Variants in ANXA13 observed in about 807,000 individuals in gnomAD.
ANXA13 encodes annexin XIII.
Under a neutral mutation model 46.6 loss-of-function variants are expected in ANXA13, and 36 were observed. That is an observed-to-expected ratio of 0.77 (90% CI 0.59 to 1.02). The LOEUF (loss-of-function observed/expected upper bound fraction) is 1.02. Ranked by LOEUF, ANXA13 falls within the 50% of genes least tolerant of loss-of-function variation. The probability of loss-of-function intolerance (pLI) is 0.00; values close to 1 mark genes in which losing one functional copy is unlikely to be tolerated. For missense variants in ANXA13, 417 were observed against 396.5 expected (o/e 1.05, Z -0.44); for synonymous variants, 163 against 152.9 (o/e 1.07, Z -0.49).
chr8:123,684,727 G>C lies in ANXA13; in HGVS notation c.719-5C>G. ...CACAATCCTGGGCACATCTCACTGGGCAGGACAAAGGAAAAGAGAATGTGA... is the reference window on the plus strand; with the variant it reads ...CACAATCCTGGGCACATCTCACTGGCCAGGACAAAGGAAAAGAGAATGTGA... On this transcript the variant is annotated splice_region_variant and splice_polypyrimidine_tract_variant and intron_variant, in intron 9 of 10. Coordinates refer to ENST00000419625, the MANE Select transcript of ANXA13 (RefSeq NM_004306.4). 1 of 1,596,874 alleles carries C rather than the reference G, an allele frequency of 6.3e-7. No individual in the cohort carries two copies. The highest frequency in any genetic ancestry group is 8.6e-7 in the Non-Finnish European group (1 of 1,164,290).
chr8:123,703,871 G>C (rs1412528520), intron 2 of ANXA13, among the ~76,000 whole-genome samples: 1 of 152,118 alleles, frequency 6.6e-6, no homozygotes, highest in Non-Finnish European at 1.5e-5. Context: ...AGATGACACA[G>C]GTATTTCCAG....
At position 123,681,156 on chromosome 8, in the gene ANXA13, C is replaced by G; in HGVS notation, c.*84G>C. 1 of 1,496,004 alleles carries G rather than the reference C, an allele frequency of 6.7e-7. No homozygotes were observed. The highest frequency in any genetic ancestry group is 1.4e-5 in the African/African-American group (1 of 71,572). 92.7% of individuals were successfully genotyped at this position (1,496,004 alleles called of 1,614,324 possible). On this transcript the variant is annotated 3_prime_UTR_variant, in exon 11 of 11. Transcript: ENST00000419625. ...TCCGGGACTCTTAAGGGTTTTCGTG[C>G]GGGAGTCTCATTTGCAAGTTTGATT...
rs554224908 is a variant in ANXA13, at chr8:123,729,669, C to A, written c.15+7651G>T. Among the ~76,000 whole-genome samples the A allele has an allele frequency of 2.0e-5, 3 of 152,262 alleles. No individual in the cohort carries two copies. In the East Asian group the frequency reaches 5.8e-4, roughly 29 times the overall value. ...CATTGCTAATACATCCAGAGTATGT[C>A]TGACAGAAAGGCAGACATAGCTTGG... On this transcript the variant is annotated intron_variant, in intron 1 of 10. Transcript: ENST00000419625.
chr8:123,714,504 C>T (rs1366941595), intron 1 of ANXA13, among the ~76,000 whole-genome samples: 3 of 152,188 alleles, frequency 2.0e-5, no homozygotes, highest in Non-Finnish European at 4.4e-5. Flanking sequence ...GACACAGCAG[C>T]GCCTGTGTCC....
At chr8:123,734,183 G>A (rs115877445) in intron 1 of ANXA13, among the ~76,000 whole-genome samples, 7,337 of 152,176 alleles carry the variant, frequency 0.048, 222 homozygotes, top group African/African-American at 0.082. Context: ...GGCTCTACTA[G>A]GTCTCCCTCC....
At chr8:123,725,357 G>C (rs770898068) in intron 1 of ANXA13, among the ~76,000 whole-genome samples, 1 of 152,154 alleles carries the variant, frequency 6.6e-6, no homozygotes, top group Non-Finnish European at 1.5e-5. Flanking sequence ...ACTGAAGCCT[G>C]GTTGTTAAGT....
chr8:123,681,327 T>A lies in ANXA13; in HGVS notation c.864A>T (p.Gln288His). The A allele has an allele frequency of 6.2e-7, 1 of 1,614,102 alleles. No individual in the cohort carries two copies. The highest frequency in any genetic ancestry group is 8.5e-7 in the Non-Finnish European group (1 of 1,179,990). Residue 288 changes from glutamine (Q) to histidine (H), a missense_variant, in exon 11 of 11, where the codon CAA becomes CAT. Physicochemically the swap from Gln to His is conservative, Grantham distance 24. Transcript: ENST00000419625. ...CAGAGAGAGACTTCTGATACTTCTC[T>A]TGGAACTTTGCTTTGATCCCCTGAA... ...VDLQGIKAKFQEKYQKSLSDM... is the reference protein window; with the variant it reads ...VDLQGIKAKFHEKYQKSLSDM...
At chr8:123,730,452 G>A (rs1178545534) in intron 1 of ANXA13, among the ~76,000 whole-genome samples, 1 of 152,126 alleles carries the variant, frequency 6.6e-6, no homozygotes, top group Non-Finnish European at 1.5e-5. Context: ...GAACTCTAAT[G>A]TGCTGAAGTT....
chr8:123,685,246 G>T (rs148947281), intron 9 of ANXA13, among the ~76,000 whole-genome samples: 2 of 152,096 alleles, frequency 1.3e-5, no homozygotes, highest in African/African-American at 4.8e-5. Flanking sequence ...ACGATCTTTT[G>T]GTTTGCAATC....
intron 9 of ANXA13, among the ~76,000 whole-genome samples, chr8:123,688,082 CATG>C: frequency 1.3e-5 from 2 of 152,292 alleles, no homozygotes; most frequent in East Asian, 3.9e-4. Context: ...CTCAGGGACC[CATG>C]GTGTTAGTGG....
At chr8:123,708,687 A>T (rs1813593885) in intron 2 of ANXA13, among the ~76,000 whole-genome samples, 1 of 152,164 alleles carries the variant, frequency 6.6e-6, no homozygotes, top group African/African-American at 2.4e-5. Context: ...CAATGACCAC[A>T]AACTTGATAG....
chr8:123,692,592 C>T (rs1203509617), intron 8 of ANXA13, among the ~76,000 whole-genome samples: 1 of 152,070 alleles, frequency 6.6e-6, no homozygotes, highest in East Asian at 1.9e-4. Context: ...CTTTGAGGTA[C>T]CTCATATCTG....
intron 4 of ANXA13, among the ~76,000 whole-genome samples, chr8:123,697,248 G>A (rs1013781914): frequency 2.0e-5 from 3 of 152,122 alleles, no homozygotes; most frequent in Admixed American, 6.5e-5. Context: ...TTTCACAAAG[G>A]CAGGTGCTGA....
chr8:123,693,159 C>A (rs951930304), intron 8 of ANXA13, 38 bp downstream of exon 8: 1 of 1,564,424 alleles, frequency 6.4e-7, no homozygotes, highest in African/African-American at 1.4e-5. Context: ...AAGACACTTT[C>A]AGAGTGAACT....
intron 9 of ANXA13, among the ~76,000 whole-genome samples, chr8:123,687,139 A>AC (rs1442448050): frequency 1.3e-5 from 2 of 152,110 alleles, no homozygotes; most frequent in African/African-American, 4.8e-5. Flanking sequence ...TCTTATTCCC[A>AC]ACCCAGCACA....
At chr8:123,689,110 A>G in intron 8 of ANXA13, among the ~76,000 whole-genome samples, 164 bp from the exon 9 acceptor site, 1 of 151,906 alleles carries the variant, frequency 6.6e-6, no homozygotes, top group Non-Finnish European at 1.5e-5. Flanking sequence ...GGTGTTTGCC[A>G]CCCATTCGAG....
chr8:123,714,684 C>T (rs760841052), intron 1 of ANXA13, among the ~76,000 whole-genome samples: 19 of 152,202 alleles, frequency 1.2e-4, no homozygotes, highest in Non-Finnish European at 2.2e-4. Context: ...CCGAAAGGAA[C>T]ATCAGGGCCA....
At chr8:123,725,652 C>T (rs1388737508) in intron 1 of ANXA13, among the ~76,000 whole-genome samples, 1 of 152,140 alleles carries the variant, frequency 6.6e-6, no homozygotes, top group Non-Finnish European at 1.5e-5. Flanking sequence ...TTCATTAAGT[C>T]ATAAAACTAC....
At position 123,684,629 on chromosome 8, in the gene ANXA13, A is replaced by G. The variant is rs1368406090; in HGVS notation, c.812T>C (p.Ile271Thr). 1.9e-6 allele frequency: 3 copies of G among 1,613,984 alleles called. No individual in the cohort carries two copies. The highest frequency in any genetic ancestry group is 1.7e-6 in the Non-Finnish European group (2 of 1,179,844). ...TCTTACCTCGGCCCTGGTCACGACT[A>G]TGCGAATCAACGTCTCCTCATCGGT... The part of the protein sequence containing the change: ...AGTDEETLIR[I>T]VVTRAEVDLQ... Residue 271 changes from isoleucine to threonine, a missense_variant, in exon 10 of 11, where the codon ATA becomes ACA. Transcript: ENST00000419625.
Sources: gnomAD v4.1 joint callset for allele counts (sites outside exome capture counted in the v4.1 genomes callset) on GRCh38, gnomAD v4.1.1 for gene constraint, MANE v1.5 for transcripts, NCBI Gene and HGNC (gene_info 2026-07-23, HGNC 2026-07-21) for gene names.